The following CLDN16 variants were observed in gnomAD, a reference collection of about 807,000 sequenced individuals.
The protein encoded by CLDN16 is claudin-16.
A neutral mutation model predicts 24.6 loss-of-function variants in CLDN16; 13 were observed. The ratio of observed to expected loss-of-function variants is 0.53; its 90% CI spans 0.34 to 0.84. The LOEUF is 0.84. CLDN16 is among the 40% of genes least tolerant of loss of function. The probability of loss-of-function intolerance (pLI) is 0.01; values close to 1 mark genes in which losing one functional copy is unlikely to be tolerated. For missense variants in CLDN16, 298 were observed against 292.7 expected (o/e 1.02, Z -0.13); for synonymous variants, 116 against 106.7 (o/e 1.09, Z -0.54).
intron 1 of CLDN16, among the ~76,000 whole-genome samples, chr3:190,389,771 G>C (rs907427374): frequency 6.6e-6 from 1 of 152,130 alleles, no homozygotes; most frequent in Non-Finnish European, 1.5e-5. Flanking sequence ...ACGTTCTGCT[G>C]TCATTAGTTT....
At chr3:190,302,063 C>G in the CLDN16 span, among the ~76,000 whole-genome samples, 3 of 152,306 alleles carry the variant, frequency 2.0e-5, no homozygotes, top group East Asian at 3.9e-4. Flanking sequence ...ATTGCAGCTG[C>G]GTTGGCCCCT....
chr3:190,295,954 A>AT, the CLDN16 span, among the ~76,000 whole-genome samples: 1 of 151,844 alleles, frequency 6.6e-6, no homozygotes, highest in Admixed American at 6.6e-5. Context: ...TGTTCATTTG[A>AT]TTTTTTATTG....
At chr3:190,334,014 T>C (rs1717243634) in intron 1 of CLDN16, among the ~76,000 whole-genome samples, 1 of 152,040 alleles carries the variant, frequency 6.6e-6, no homozygotes, top group Non-Finnish European at 1.5e-5. Context: ...GAGTTGCCAT[T>C]AAAAAGATAT....
At chr3:190,408,892 C>A (rs1719182701) in intron 4 of CLDN16, among the ~76,000 whole-genome samples, 1 of 144,260 alleles carries the variant, frequency 6.9e-6, no homozygotes, top group African/African-American at 2.6e-5. Flanking sequence ...GTATATATAC[C>A]CTTGTATATA....
chr3:190,300,281 C>T, the CLDN16 span, among the ~76,000 whole-genome samples: 1 of 145,860 alleles, frequency 6.9e-6, no homozygotes, highest in Non-Finnish European at 1.5e-5. Context: ...ACAGAGGGGG[C>T]ATTAGGAAGT....
At chr3:190,334,684 C>T (rs1717258930) in intron 1 of CLDN16, among the ~76,000 whole-genome samples, 1 of 152,242 alleles carries the variant, frequency 6.6e-6, no homozygotes, top group Non-Finnish European at 1.5e-5. Context: ...GTAACCACCA[C>T]GTCATCTTCT....
upstream of CLDN16, among the ~76,000 whole-genome samples, chr3:190,387,670 A>G (rs1435124097): frequency 6.6e-6 from 1 of 152,166 alleles, no homozygotes; most frequent in Non-Finnish European, 1.5e-5. Flanking sequence ...TACGATGCTG[A>G]AAGGTTAGGA....
At chr3:190,321,992 T>C, upstream of CLDN16, 3 of 1,614,072 alleles carry the variant, frequency 1.9e-6, no homozygotes, top group Non-Finnish European at 2.5e-6. Flanking sequence ...ACTGCTCAGA[T>C]TCAGCAAGGA....
the CLDN16 span, among the ~76,000 whole-genome samples, chr3:190,300,326 A>G: frequency 6.6e-6 from 1 of 151,878 alleles, no homozygotes; most frequent in African/African-American, 2.4e-5. Flanking sequence ...TACTTTATGG[A>G]CATCCTTTAA....
At chr3:190,316,291 A>G in the CLDN16 span, among the ~76,000 whole-genome samples, 1 of 152,224 alleles carries the variant, frequency 6.6e-6, no homozygotes, top group African/African-American at 2.4e-5. Context: ...CTATTGACTT[A>G]TACAATTTAT....
intron 2 of CLDN16, among the ~76,000 whole-genome samples, chr3:190,403,174 CA>C: frequency 6.6e-6 from 1 of 151,746 alleles, no homozygotes; most frequent in East Asian, 1.9e-4. Context: ...ATAAAATTAC[CA>C]AAAAAAGTTA....
At chr3:190,328,148 G>T (rs1232964347) in intron 1 of CLDN16, among the ~76,000 whole-genome samples, 1 of 151,720 alleles carries the variant, frequency 6.6e-6, no homozygotes, top group Non-Finnish European at 1.5e-5. Context: ...GACATGGGTG[G>T]CATGCACCTA....
At chr3:190,325,183 CAGAG>C (rs1055679709) in intron 1 of CLDN16, among the ~76,000 whole-genome samples, 32 of 152,162 alleles carry the variant, frequency 2.1e-4, no homozygotes, top group African/African-American at 7.5e-4. Flanking sequence ...GTAACAGACA[CAGAG>C]AGGTCAGGCT....
At chr3:190,310,794 C>T in the CLDN16 span, among the ~76,000 whole-genome samples, 1 of 152,092 alleles carries the variant, frequency 6.6e-6, no homozygotes, top group African/African-American at 2.4e-5. Flanking sequence ...CAAGGGAATA[C>T]CTGATATAGG....
chr3:190,407,127 T>C (rs1719125906), intron 3 of CLDN16, among the ~76,000 whole-genome samples: 1 of 152,082 alleles, frequency 6.6e-6, no homozygotes. Context: ...ACAGACTATC[T>C]AGGGAAAAAA....
At chr3:190,337,672 G>C (rs78328602) in intron 1 of CLDN16, among the ~76,000 whole-genome samples, 10,741 of 152,212 alleles carry the variant, frequency 0.071, 569 homozygotes, top group African/African-American at 0.14. Flanking sequence ...AAACTGGACT[G>C]CTCTCATCCT....
At chr3:190,367,912 C>A (rs1465015942) in intron 1 of CLDN16, among the ~76,000 whole-genome samples, 1 of 151,886 alleles carries the variant, frequency 6.6e-6, no homozygotes, top group Non-Finnish European at 1.5e-5. Flanking sequence ...AAAGTCTCTG[C>A]AATCTGCATT....
At chr3:190,370,716 G>T (rs1392211347) in intron 1 of CLDN16, among the ~76,000 whole-genome samples, 2 of 151,926 alleles carry the variant, frequency 1.3e-5, no homozygotes, top group East Asian at 1.9e-4. Context: ...GTCTGTGAGG[G>T]TGCTGTTAAA....
upstream of CLDN16, chr3:190,322,190 A>C (rs761705050): frequency 6.2e-7 from 1 of 1,613,926 alleles, no homozygotes; most frequent in South Asian, 1.1e-5. Context: ...CAACAGCTGC[A>C]GCCCCGCGTT....
Sources: allele counts gnomAD v4.1 joint callset (sites outside exome capture counted in the v4.1 genomes callset), GRCh38; gene constraint gnomAD v4.1.1; transcripts MANE v1.5; gene names NCBI Gene and HGNC (gene_info 2026-07-23, HGNC 2026-07-21).